Variants in SYNGR1 observed in about 807,000 individuals in gnomAD.
SYNGR1 encodes the protein synaptogyrin 1, also known as synaptogyrin-1.
SYNGR1 carries 14 observed loss-of-function variants against 26.1 expected under a neutral mutation model. That is an observed-to-expected ratio of 0.54 (90% CI 0.35 to 0.84). The LOEUF (loss-of-function observed/expected upper bound fraction) is 0.84. SYNGR1 is among the 40% of genes least tolerant of loss of function. The pLI is 0.01. For missense variants in SYNGR1, 319 were observed against 332.9 expected, an observed-to-expected ratio of 0.96 and a Z score of 0.33; for synonymous variants, 141 against 150.1, an observed-to-expected ratio of 0.94 and a Z score of 0.44.
At chr22:39,365,679 A>G (rs11913115) in intron 1 of SYNGR1, among the ~76,000 whole-genome samples, 9,991 of 152,110 alleles carry the variant, frequency 0.066, 1,075 homozygotes, top group African/African-American at 0.23. Flanking sequence ...CTGCTTCTGT[A>G]TCCTCAGTGA....
At chr22:39,363,622 T>C (rs17001009) in intron 1 of SYNGR1, among the ~76,000 whole-genome samples, 9,675 of 152,032 alleles carry the variant, frequency 0.064, 1,022 homozygotes, top group African/African-American at 0.22. Context: ...AGGGCCATTC[T>C]AGGGTGATGG....
chr22:39,374,294 G>A lies in SYNGR1; in HGVS notation c.100-22G>A, dbSNP rs558893924. The A allele has an allele frequency of 7.4e-6, 12 of 1,612,280 alleles. No homozygotes were observed. In the South Asian group the frequency reaches 1.1e-4, roughly 15 times the overall value. Reference sequence around the variant, plus strand: ...GAGGCAGGGGTCTGCCCAGGTCTAAGGTGTGGCCCCACCCCCGACAGCTGT... The same window carrying A: ...GAGGCAGGGGTCTGCCCAGGTCTAAAGTGTGGCCCCACCCCCGACAGCTGT... On this transcript the variant is annotated intron_variant, in intron 1 of 3. Coordinates refer to ENST00000328933, the MANE Select transcript of SYNGR1 (RefSeq NM_004711.5).
chr22:39,372,654 A>T (rs528286889), intron 1 of SYNGR1, among the ~76,000 whole-genome samples: 5 of 151,520 alleles, frequency 3.3e-5, no homozygotes, highest in African/African-American at 9.7e-5. Flanking sequence ...TTTTTAGTAG[A>T]GACAGGGTTT....
At chr22:39,359,695 A>G (rs186342370) in intron 1 of SYNGR1, among the ~76,000 whole-genome samples, 61 of 147,522 alleles carry the variant, frequency 4.1e-4, no homozygotes, top group Non-Finnish European at 6.1e-4. Flanking sequence ...CCTCTCCAGC[A>G]CTGCTCCTGC....
intron 1 of SYNGR1, among the ~76,000 whole-genome samples, chr22:39,371,881 C>T (rs1925038490): frequency 6.6e-6 from 1 of 152,168 alleles, no homozygotes; most frequent in Admixed American, 6.5e-5. Context: ...AATAGCTGAG[C>T]CTTAACTGTC....
intron 1 of SYNGR1, among the ~76,000 whole-genome samples, chr22:39,360,849 G>C (rs2049986): frequency 0.56 from 85,764 of 152,132 alleles, 27,323 homozygotes; most frequent in East Asian, 0.81. Flanking sequence ...AATGCTGAAA[G>C]GCCTGGCAGA....
rs1262057511 is a variant in SYNGR1 at position 39,376,507 on chromosome 22, C to G, written c.483+310C>G. 2.6e-5 allele frequency among the ~76,000 whole-genome samples: 4 copies of G among 152,122 alleles called. No individual in the cohort carries two copies. The East Asian group carries it at 7.7e-4, about 29-fold the overall frequency. On this transcript the variant is annotated intron_variant, in intron 3 of 3. Transcript: ENST00000328933. Reference sequence around the variant, plus strand: ...CTGGGTAAATGGTGTTTATTATCCCCTTTCACAGATGAGAAAGCAGAGGCC... The same window carrying G: ...CTGGGTAAATGGTGTTTATTATCCCGTTTCACAGATGAGAAAGCAGAGGCC...
intron 1 of SYNGR1, among the ~76,000 whole-genome samples, chr22:39,351,244 C>T: frequency 6.6e-6 from 1 of 152,182 alleles, no homozygotes. Context: ...AGGGGCTACC[C>T]CAAGGCCAGC....
Position 39,376,053 on chromosome 22 carries a change from C to A in SYNGR1, c.339C>A (p.Ala113=). The change falls in exon 3 of 4, where the codon GCC becomes GCA. Residue 113 remains alanine (A), a splice_region_variant and synonymous_variant. Transcript: ENST00000328933. ...KAVLSDIGVS[A]FWAFLWFVGF... ...CTGCCCGGTCCTGGGACCCCCCAGC[C>A]TTCTGGGCTTTCCTCTGGTTCGTGG... The A allele has an allele frequency of 1.2e-6, 2 of 1,614,230 alleles. No homozygotes were observed. The highest frequency in any genetic ancestry group is 1.7e-6 in the Non-Finnish European group (2 of 1,180,048).
At chr22:39,363,065 G>A (rs1341622292) in intron 1 of SYNGR1, among the ~76,000 whole-genome samples, 2 of 152,170 alleles carry the variant, frequency 1.3e-5, no homozygotes, top group African/African-American at 4.8e-5. Flanking sequence ...TGAGATGTGC[G>A]TGTTGAGGAG....
chr22:39,354,598 G>C (rs1924063780), intron 1 of SYNGR1, among the ~76,000 whole-genome samples: 2 of 152,170 alleles, frequency 1.3e-5, no homozygotes, highest in African/African-American at 4.8e-5. Flanking sequence ...CCAGCACTTT[G>C]GGAGGCCAAG....
At chr22:39,362,474 G>A (rs745482598) in intron 1 of SYNGR1, among the ~76,000 whole-genome samples, 4 of 152,114 alleles carry the variant, frequency 2.6e-5, no homozygotes, top group Admixed American at 1.3e-4. Context: ...TCCCCAGAGT[G>A]AGACTCTTCA....
chr22:39,384,477 C>CTGGCAG lies in SYNGR1; in HGVS notation c.*2564_*2569dup. ...ATGATCTTCCCCATCAGGCTGGGCT[C>CTGGCAG]TGGCAGGGACCTGCCCAGGATGGAG... is the stretch of plus-strand genomic sequence containing the variant. On this transcript the variant is annotated 3_prime_UTR_variant, in exon 4 of 4. Coordinates refer to ENST00000328933, the MANE Select transcript of SYNGR1 (RefSeq NM_004711.5). The CTGGCAG allele has an allele frequency of 2.5e-6, 1 of 398,744 alleles. No homozygotes were observed. Among genetic ancestry groups the CTGGCAG allele is most frequent in the Non-Finnish European group, 4.4e-6 (1 of 226,130 alleles). The allele number at this position is 398,744 out of a possible 1,614,324, so 24.7% of individuals were successfully genotyped here. A position where few individuals can be genotyped will look rare whatever the true frequency, so the allele number is the denominator to read the frequency against.
At chr22:39,370,046 T>C (rs1924946890) in intron 1 of SYNGR1, among the ~76,000 whole-genome samples, 1 of 152,238 alleles carries the variant, frequency 6.6e-6, no homozygotes. Context: ...TTGCCCAGGC[T>C]GGTCTCAAAC....
intron 1 of SYNGR1, among the ~76,000 whole-genome samples, chr22:39,351,283 CT>C (rs916159836): frequency 6.6e-6 from 1 of 152,214 alleles, no homozygotes; most frequent in Non-Finnish European, 1.5e-5. Context: ...AAGCTTCCTC[CT>C]TTCCTTGGTT....
Position 39,374,936 on chromosome 22 carries a change from C to A in SYNGR1, c.337+383C>A, listed in dbSNP as rs556804818. On this transcript the variant is annotated intron_variant, in intron 2 of 3. Transcript: ENST00000328933. ...CAAGGCGGTGACTGGGTGCCCAGTG[C>A]ACAGCAGGGGCCCTGGAGCCTCAGC... 3.0e-3 allele frequency: 1,000 copies of A among 330,542 alleles called. 1 individual carries two copies. Among genetic ancestry groups the A allele is most frequent in the Non-Finnish European group, 4.5e-3 (780 of 172,528 alleles). 20.5% of individuals were successfully genotyped at this position (330,542 alleles called of 1,614,324 possible).
chr22:39,365,988 C>CTTTTTTTTTTTTTTTTTTTTTTT lies in SYNGR1; in HGVS notation c.100-8323_100-8301dup, dbSNP rs777416803. 5.8e-5 allele frequency among the ~76,000 whole-genome samples: 4 copies of CTTTTTTTTTTTTTTTTTTTTTTT among 68,382 alleles called. 2 individuals carry two copies. Among genetic ancestry groups the CTTTTTTTTTTTTTTTTTTTTTTT allele is most frequent in the East Asian group, 2.0e-3 (2 of 1,016 alleles). 44.9% of individuals were successfully genotyped at this position (68,382 alleles called of 152,430 possible). ...CGTGAGCCACCGCGCTCAGCCCCTT[C>CTTTTTTTTTTTTTTTTTTTTTTT]TTTTTTTTTTTTTTTTTTTTTTTTT... On this transcript the variant is annotated intron_variant, in intron 1 of 3. Coordinates refer to ENST00000328933, the MANE Select transcript of SYNGR1 (RefSeq NM_004711.5).
chr22:39,361,678 A>G (rs1924477492), intron 1 of SYNGR1, among the ~76,000 whole-genome samples: 1 of 151,472 alleles, frequency 6.6e-6, no homozygotes, highest in Admixed American at 6.6e-5. Flanking sequence ...CCTTCTTATC[A>G]ACTGAGAGAC....
chr22:39,372,123 C>CT (rs71197177), intron 1 of SYNGR1, among the ~76,000 whole-genome samples: 2,657 of 70,094 alleles, frequency 0.038, 151 homozygotes, highest in African/African-American at 0.092. Context: ...TAGATCCATT[C>CT]TTTTTTTTTT....
Sources: allele counts gnomAD v4.1 joint callset (sites outside exome capture counted in the v4.1 genomes callset), GRCh38; gene constraint gnomAD v4.1.1; transcripts MANE v1.5; gene names NCBI Gene and HGNC (gene_info 2026-07-23, HGNC 2026-07-21).